FBN3: variants seen among roughly 807,000 people sequenced by gnomAD.
FBN3 encodes fibrillin 3, also known as fibrillin-3.
A neutral mutation model predicts 330.1 loss-of-function variants in FBN3; 234 were observed. The ratio of observed to expected loss-of-function variants is 0.71; its 90% CI spans 0.64 to 0.79. FBN3 has a LOEUF of 0.79. FBN3 is among the 30% of genes least tolerant of loss of function. The pLI, the probability that FBN3 is intolerant of heterozygous loss-of-function variation, is 0.00. For missense variants in FBN3, 3,606 were observed against 3,886.9 expected (o/e 0.93, Z 1.92); for synonymous variants, 1,458 against 1,517.3 (o/e 0.96, Z 0.91).
intron 46 of FBN3, among the ~76,000 whole-genome samples, chr19:8,095,119 T>C (rs1465811361): frequency 1.3e-5 from 2 of 152,050 alleles, no homozygotes; most frequent in Non-Finnish European, 2.9e-5. Flanking sequence ...CTACAGGCAA[T>C]AGCCACCACT....
At chr19:8,085,218 AAGAC>A (rs759459169) in intron 56 of FBN3, 141 bp downstream of exon 56, 3 of 391,906 alleles carry the variant, frequency 7.7e-6, no homozygotes, top group Non-Finnish European at 1.2e-5. Context: ...TGCTAGCACA[AAGAC>A]ACACACACAC....
At chr19:8,086,777 T>C (rs2081973131) in intron 54 of FBN3, among the ~76,000 whole-genome samples, 1 of 151,686 alleles carries the variant, frequency 6.6e-6, no homozygotes, top group Admixed American at 6.6e-5. Context: ...CTTATTTTCA[T>C]TTTTATTGTT....
At position 8,096,992 on chromosome 19, in the gene FBN3, C is replaced by A; in HGVS notation, c.5302G>T (p.Gly1768Cys). 1.9e-6 allele frequency: 3 copies of A among 1,613,348 alleles called. No homozygotes were observed. The highest frequency in any genetic ancestry group is 2.5e-6 in the Non-Finnish European group (3 of 1,179,960). The change falls in exon 43 of 64, where the codon GGC (glycine) becomes TGC (cysteine). Residue 1768 changes from glycine to cysteine, a missense_variant. Physicochemically the swap from Gly to Cys is radical, Grantham distance 159. Transcript: ENST00000600128. This position sits in a 1 kb window ranked among gnomAD's most constrained non-coding sequence, Gnocchi z 4.6. ...LLACEDVDEC[G>C]SRESPCQQNA... ...TGCTGGCAGGGACTCTCCCTGCTGC[C>A]ACACTCATCGACATCTGGGAAAATA...
At chr19:8,077,214 C>G (rs188301869) in intron 59 of FBN3, among the ~76,000 whole-genome samples, 1 of 152,280 alleles carries the variant, frequency 6.6e-6, no homozygotes, top group Non-Finnish European at 1.5e-5. Context: ...TGGTGGGAGC[C>G]CATGGCTGGT....
At position 8,146,210 on chromosome 19, in the gene FBN3, G is replaced by A. The variant is rs776874121; in HGVS notation, c.266C>T (p.Ala89Val). 1 of 1,596,266 alleles carries A rather than the reference G, an allele frequency of 6.3e-7. No individual in the cohort carries two copies. The highest frequency in any genetic ancestry group is 1.8e-5 in the Admixed American group (1 of 56,534). The stretch of plus-strand genomic sequence containing the variant: ...CTGGGAGCAGAAGCCTTCACCGCAG[G>A]CGCGCCTACAGATGGCTGGATGAGT... ...SQCVVPICRR[A>V]CGEGFCSQPN... Residue 89 changes from alanine (A) to valine (V), a missense_variant, in exon 4 of 64, where the codon GCC (alanine) becomes GTC (valine). Coordinates refer to ENST00000600128, the MANE Select transcript of FBN3 (RefSeq NM_032447.5).
At chr19:8,083,999 T>C (rs1267353256) in intron 56 of FBN3, among the ~76,000 whole-genome samples, 3 of 151,816 alleles carry the variant, frequency 2.0e-5, no homozygotes, top group Non-Finnish European at 4.4e-5. Context: ...AGACAGGGTT[T>C]CACCGTGTCA....
At chr19:8,135,936 G>GA in intron 13 of FBN3, 25 bp downstream of exon 13, 114 of 668,746 alleles carry the variant, frequency 1.7e-4, no homozygotes, top group South Asian at 3.4e-4. Flanking sequence ...GGAAGCCCCT[G>GA]CCCACCCGCC....
At chr19:8,095,097 G>T (rs1391384621) in intron 46 of FBN3, among the ~76,000 whole-genome samples, 2 of 152,108 alleles carry the variant, frequency 1.3e-5, no homozygotes, top group East Asian at 3.9e-4. Flanking sequence ...CCAGCCTCCT[G>T]AGTAGCTAGG....
At chr19:8,082,406 TCC>T (rs2081818979) in intron 57 of FBN3, among the ~76,000 whole-genome samples, 1 of 151,560 alleles carries the variant, frequency 6.6e-6, no homozygotes, top group Non-Finnish European at 1.5e-5. Context: ...TTTCTCTTTC[TCC>T]CCTTTCTCTT....
Position 8,087,212 on chromosome 19 carries a change from C to G in FBN3, c.6620-1G>C. 6.3e-7 allele frequency: 1 copy of G among 1,586,092 alleles called. No homozygotes were observed. The highest frequency in any genetic ancestry group is 8.6e-7 in the Non-Finnish European group (1 of 1,168,078). On this transcript the variant is annotated splice_acceptor_variant, in intron 53 of 63. Transcript: ENST00000600128. LOFTEE classifies it high-confidence loss of function. ...TGACCATCTGCACACTCGTCCACAT[C>G]TTCGGATGACCAGAGACAGATGGTC...
chr19:8,104,706 T>C (rs2144781383), intron 38 of FBN3, among the ~76,000 whole-genome samples: 1 of 152,244 alleles, frequency 6.6e-6, no homozygotes, highest in South Asian at 2.1e-4. Flanking sequence ...GCTTTTTCTG[T>C]AAAGGGCCAG....
chr19:8,072,309 G>A (rs922706779), intron 62 of FBN3, 111 bp from the exon 63 acceptor site: 36 of 1,110,126 alleles, frequency 3.2e-5, no homozygotes, highest in African/African-American at 1.6e-4. Flanking sequence ...AAATGCCCAC[G>A]CACACAAATG....
intron 30 of FBN3, among the ~76,000 whole-genome samples, chr19:8,115,039 A>G (rs2082675504): frequency 6.6e-6 from 1 of 151,952 alleles, no homozygotes; most frequent in Admixed American, 6.6e-5. Context: ...TATTTTTAGT[A>G]GAGATGGGTT....
rs771285169 is a variant in FBN3, at chr19:8,089,669, G to A, written c.6252C>T (p.Asp2084=). The A allele has an allele frequency of 1.2e-6, 2 of 1,613,938 alleles. No homozygotes were observed. The highest frequency in any genetic ancestry group is 1.7e-6 in the Non-Finnish European group (2 of 1,179,980). ...AVPGPDDSRE[D]VNECAENPGV... ...CAGGGTTCTCTGCACACTCATTCAC[G>A]TCTGCGGATGGCAGGCGTTGCAGAC... Residue 2084 remains aspartate (D), a splice_region_variant and synonymous_variant, in exon 51 of 64, where the codon GAC becomes GAT. Transcript: ENST00000600128.
At chr19:8,106,486 TAGAG>T (rs1452687363) in intron 37 of FBN3, among the ~76,000 whole-genome samples, 1 of 152,232 alleles carries the variant, frequency 6.6e-6, no homozygotes, top group East Asian at 1.9e-4. Context: ...TTCCTCTAGA[TAGAG>T]AAATAGATAG....
At chr19:8,073,575 C>T (rs1196261263) in intron 61 of FBN3, among the ~76,000 whole-genome samples, 1 of 152,246 alleles carries the variant, frequency 6.6e-6, no homozygotes, top group Non-Finnish European at 1.5e-5. Flanking sequence ...GTGCTATTGA[C>T]ACTTGGGGCC....
At position 8,087,978 on chromosome 19, in the gene FBN3, T is replaced by A. The variant is rs768450274; in HGVS notation, c.6497-31A>T. 32 of 1,613,700 alleles carry A rather than the reference T, an allele frequency of 2.0e-5. No homozygotes were observed. In the African/African-American group the frequency reaches 3.9e-4, roughly 20 times the overall value. On this transcript the variant is annotated intron_variant, in intron 52 of 63. Coordinates refer to ENST00000600128, the MANE Select transcript of FBN3 (RefSeq NM_032447.5). ...GAGGCCAGTGGAGGTGCCAGCTGGG[T>A]AGGGACTGAGGGCGGGACCTCCACT...
chr19:8,110,850 C>G lies in FBN3; in HGVS notation c.4328G>C (p.Cys1443Ser). Residue 1443 changes from cysteine to serine, a missense_variant, in exon 34 of 64, where the codon TGC (cysteine) becomes TCC (serine). By Grantham distance (112) the Cys-to-Ser change is moderately radical (BLOSUM62 -1). Coordinates refer to ENST00000600128, the MANE Select transcript of FBN3 (RefSeq NM_032447.5). ...CAGCCCAGATGACCTCACACCTGTG[C>G]AGTTGCCACCCCCTCGGTCCAGTTC... ...GYELDRGGGN[C>S]TDINECADPV... is the part of the protein sequence containing the mutation. 6.2e-7 allele frequency: 1 copy of G among 1,614,226 alleles called. No homozygotes were observed. Among genetic ancestry groups the G allele is most frequent in the South Asian group, 1.1e-5 (1 of 91,088 alleles).
intron 25 of FBN3, among the ~76,000 whole-genome samples, chr19:8,119,759 C>T (rs551897334): frequency 1.7e-4 from 26 of 151,444 alleles, no homozygotes; most frequent in South Asian, 6.3e-4. Flanking sequence ...AGTGATTCAC[C>T]TGCCTCAGCC....
Sources: gnomAD v4.1 joint callset for allele counts (sites outside exome capture counted in the v4.1 genomes callset) on GRCh38, gnomAD v4.1.1 for gene constraint, Gnocchi (gnomAD v3.1) non-coding constraint, MANE v1.5 for transcripts, NCBI Gene and HGNC (gene_info 2026-07-23, HGNC 2026-07-21) for gene names.